The following DGKB variants were observed in gnomAD, a reference collection of about 807,000 sequenced individuals.
The protein encoded by DGKB is diacylglycerol kinase beta.
A neutral mutation model predicts 114.3 loss-of-function variants in DGKB; 67 were observed. The ratio of observed to expected loss-of-function variants is 0.59; its 90% CI spans 0.48 to 0.72. DGKB has a LOEUF of 0.72. DGKB is among the 30% of genes least tolerant of loss of function. The probability of loss-of-function intolerance (pLI) is 0.00; values close to 1 mark genes in which losing one functional copy is unlikely to be tolerated. For synonymous variants in DGKB, 398 were observed against 323.1 expected, an observed-to-expected ratio of 1.23 and a Z score of -2.49; for missense variants, 907 against 975.2, an observed-to-expected ratio of 0.93 and a Z score of 0.93.
intron 13 of DGKB, among the ~76,000 whole-genome samples, chr7:14,648,134 G>A (rs1468203877): frequency 6.6e-6 from 1 of 152,196 alleles, no homozygotes; most frequent in Non-Finnish European, 1.5e-5. Flanking sequence ...GAACTGGGTG[G>A]AGCCCACCAC....
chr7:14,540,204 T>C (rs1563448890), intron 20 of DGKB, among the ~76,000 whole-genome samples: 1 of 152,168 alleles, frequency 6.6e-6, no homozygotes, highest in Non-Finnish European at 1.5e-5. Context: ...TTATTAACTT[T>C]GCAATTGTTG....
chr7:14,276,839 A>G (rs1334504686), intron 23 of DGKB, among the ~76,000 whole-genome samples: 1 of 151,870 alleles, frequency 6.6e-6, no homozygotes, highest in Non-Finnish European at 1.5e-5. Flanking sequence ...AATTATTATT[A>G]TTGCTTTATA....
chr7:14,497,893 ATAACCAAG>A (rs1464340240), intron 20 of DGKB, among the ~76,000 whole-genome samples: 2 of 151,826 alleles, frequency 1.3e-5, no homozygotes, highest in Non-Finnish European at 2.9e-5. Context: ...ATTCCTTTAT[ATAACCAAG>A]TGACACTCAT....
At chr7:14,625,423 G>T (rs907812303) in intron 14 of DGKB, among the ~76,000 whole-genome samples, 8 of 152,100 alleles carry the variant, frequency 5.3e-5, no homozygotes, top group African/African-American at 1.7e-4. Context: ...TGTCCACCAG[G>T]TTTCACTAGC....
At chr7:14,198,678 T>C (rs1284867349) in intron 23 of DGKB, among the ~76,000 whole-genome samples, 1 of 152,016 alleles carries the variant, frequency 6.6e-6, no homozygotes, top group Non-Finnish European at 1.5e-5. Context: ...GCTACCATGA[T>C]GGTATTAAAA....
At position 14,839,594 on chromosome 7, in the gene DGKB, G is replaced by A. The variant is rs182996689; in HGVS notation, c.70+1600C>T. On this transcript the variant is annotated intron_variant, in intron 2 of 25. Transcript: ENST00000402815. ...TTTTTTTTTTTTCCATAGAGACAGG[G>A]TCTCACTGTTTTGCCCAGTCTAGTC... 4.4e-3 allele frequency among the ~76,000 whole-genome samples: 661 copies of A among 151,582 alleles called. 1 individual carries two copies. Among genetic ancestry groups the A allele is most frequent in the Non-Finnish European group, 7.2e-3 (489 of 67,874 alleles).
rs1420722259 is a variant in DGKB, at chr7:14,288,259, A to G, written c.2122+50256T>C. On this transcript the variant is annotated intron_variant, in intron 23 of 25. Transcript: ENST00000402815. ...ATTTTTTTTTTTTGTTAAAAGAAAAAAAAAAAAAAAGAAACAAACTACCCT... is the reference window on the plus strand; with the variant it reads ...ATTTTTTTTTTTTGTTAAAAGAAAAGAAAAAAAAAAGAAACAAACTACCCT... Among the ~76,000 whole-genome samples, 156 of 141,268 alleles carry G rather than the reference A, an allele frequency of 1.1e-3. 1 individual carries two copies. Among genetic ancestry groups the G allele is most frequent in the Non-Finnish European group, 2.1e-3 (138 of 65,974 alleles). The allele number at this position is 141,268 out of a possible 152,430, so 92.7% of individuals were successfully genotyped here.
chr7:14,213,726 TA>T (rs886198526), intron 23 of DGKB, among the ~76,000 whole-genome samples: 5 of 152,132 alleles, frequency 3.3e-5, no homozygotes, highest in African/African-American at 1.2e-4. Flanking sequence ...CTCTGAGTAA[TA>T]AACTAAATTT....
chr7:14,879,430 C>A (rs2128210581), intron 1 of DGKB, among the ~76,000 whole-genome samples: 1 of 152,266 alleles, frequency 6.6e-6, no homozygotes, highest in South Asian at 2.1e-4. Context: ...AAACACTTTG[C>A]TTTTCTTTCA....
chr7:14,677,146 G>T (rs1413724145), intron 12 of DGKB, among the ~76,000 whole-genome samples: 1 of 151,964 alleles, frequency 6.6e-6, no homozygotes, highest in Non-Finnish European at 1.5e-5. Context: ...GAAAGAAAAA[G>T]AAAGTGTGTG....
intron 13 of DGKB, among the ~76,000 whole-genome samples, chr7:14,637,071 C>G (rs1269966977): frequency 6.6e-6 from 1 of 151,838 alleles, no homozygotes; most frequent in Non-Finnish European, 1.5e-5. Context: ...CGGATTCAAA[C>G]AGTAACATTC....
intron 23 of DGKB, among the ~76,000 whole-genome samples, chr7:14,223,989 T>A (rs1351207333): frequency 2.0e-5 from 3 of 151,846 alleles, no homozygotes; most frequent in Non-Finnish European, 2.9e-5. Flanking sequence ...GTCTCCAACA[T>A]TTTTACTATG....
chr7:14,399,001 G>A (rs1381759274), intron 21 of DGKB, among the ~76,000 whole-genome samples: 6 of 151,910 alleles, frequency 3.9e-5, no homozygotes, highest in Non-Finnish European at 7.4e-5. Flanking sequence ...ACCCGCAGAC[G>A]TGAAGAGAAA....
chr7:14,777,748 C>T (rs1028933260), intron 2 of DGKB, among the ~76,000 whole-genome samples: 2 of 152,154 alleles, frequency 1.3e-5, no homozygotes, highest in African/African-American at 4.8e-5. Flanking sequence ...AATACATACA[C>T]ATTTAGAACA....
chr7:14,205,706 C>T (rs1786680027), intron 23 of DGKB, among the ~76,000 whole-genome samples: 1 of 151,934 alleles, frequency 6.6e-6, no homozygotes, highest in African/African-American at 2.4e-5. Flanking sequence ...GCCCAGTGTG[C>T]TTCATTTCTG....
intron 20 of DGKB, among the ~76,000 whole-genome samples, chr7:14,546,440 C>G (rs1794294749): frequency 6.6e-6 from 1 of 152,158 alleles, no homozygotes; most frequent in Non-Finnish European, 1.5e-5. Flanking sequence ...ACAACTGAGA[C>G]TTGAGTACAT....
chr7:14,478,987 T>C (rs1484044019), intron 20 of DGKB, among the ~76,000 whole-genome samples: 1 of 152,096 alleles, frequency 6.6e-6, no homozygotes, highest in African/African-American at 2.4e-5. Context: ...GAAATACTGC[T>C]ATCCAAGCTT....
intron 23 of DGKB, among the ~76,000 whole-genome samples, chr7:14,217,667 A>T (rs1789218051): frequency 6.6e-6 from 1 of 152,086 alleles, no homozygotes; most frequent in Non-Finnish European, 1.5e-5. Flanking sequence ...AGTGAGATGC[A>T]AGTGAAAAAA....
intron 13 of DGKB, among the ~76,000 whole-genome samples, chr7:14,671,610 A>C (rs551643915): frequency 6.6e-6 from 1 of 152,282 alleles, no homozygotes; most frequent in East Asian, 1.9e-4. Context: ...AATTTATATA[A>C]CTAGAGGTTG....
Sources: allele counts gnomAD v4.1 joint callset (sites outside exome capture counted in the v4.1 genomes callset), GRCh38; gene constraint gnomAD v4.1.1; transcripts MANE v1.5; gene names NCBI Gene and HGNC (gene_info 2026-07-23, HGNC 2026-07-21).